The following PCDH17 variants were observed in gnomAD, a reference collection of about 807,000 sequenced individuals.
PCDH17 encodes protocadherin 17, also known as protocadherin-17.
In PCDH17, 21 loss-of-function variants were observed where a neutral mutation model predicts 67.7. The observed-to-expected ratio is 0.31, with a 90% CI of 0.22 to 0.45. PCDH17 has a LOEUF of 0.45. Among genes scored for constraint, PCDH17 ranks in the 20% least tolerant of loss-of-function variants. The pLI is 1.00. For missense variants in PCDH17, 1,471 were observed against 1,564.8 expected (o/e 0.94, Z 1.01); for synonymous variants, 701 against 656.7 (o/e 1.07, Z -1.03).
At chr13:57,697,232 A>T (rs1436185898) in intron 3 of PCDH17, among the ~76,000 whole-genome samples, 3 of 151,582 alleles carry the variant, frequency 2.0e-5, no homozygotes, top group Admixed American at 6.6e-5. Flanking sequence ...GGCTAGACAG[A>T]GTAGTTCTTA....
intron 1 of PCDH17, among the ~76,000 whole-genome samples, chr13:57,639,238 C>T (rs977393604): frequency 1.3e-5 from 2 of 151,732 alleles, no homozygotes; most frequent in African/African-American, 4.8e-5. Flanking sequence ...ACAATAATTA[C>T]ATATTTCTTT....
intron 3 of PCDH17, among the ~76,000 whole-genome samples, chr13:57,706,633 T>G (rs1225304297): frequency 1.1e-4 from 17 of 152,130 alleles, no homozygotes. Context: ...CTCTGTCCTT[T>G]TCAGTCCAAG....
Position 57,633,945 on chromosome 13 carries a change from G to C in PCDH17, c.1399G>C (p.Asp467His). The part of the protein sequence containing the change: ...SFAIKILDEN[D>H]NPPRFTKGLY... ...CGCGATCAAGATTCTAGACGAGAACGACAACCCGCCTCGGTTCACCAAAGG... is the reference window on the plus strand; with the variant it reads ...CGCGATCAAGATTCTAGACGAGAACCACAACCCGCCTCGGTTCACCAAAGG... The change falls in exon 1 of 4, where the codon GAC (aspartate) becomes CAC (histidine). Residue 467 changes from aspartate (D) to histidine (H), a missense_variant. This residue lies in a region of PCDH17 where 1,163 missense variants were observed against 1,230.0 expected (regional missense o/e 0.95). Transcript: ENST00000377918. This position sits in a 1 kb window ranked among gnomAD's most constrained non-coding sequence, Gnocchi z 6.2. The C allele has an allele frequency of 1.2e-6, 2 of 1,613,490 alleles. No individual in the cohort carries two copies. Among genetic ancestry groups the C allele is most frequent in the Non-Finnish European group, 1.7e-6 (2 of 1,180,016 alleles).
chr13:57,664,500 T>A (rs1165491567), intron 1 of PCDH17, among the ~76,000 whole-genome samples: 1 of 152,120 alleles, frequency 6.6e-6, no homozygotes, highest in Non-Finnish European at 1.5e-5. Context: ...AGAAAAAAAG[T>A]TTCCCCAGAC....
intron 3 of PCDH17, among the ~76,000 whole-genome samples, chr13:57,671,537 A>G (rs576000348): frequency 4.6e-5 from 7 of 152,118 alleles, no homozygotes; most frequent in Admixed American, 2.0e-4. Context: ...TTGAATTTCT[A>G]TCCATTAGAA....
At chr13:57,683,913 G>T (rs1038871124) in intron 3 of PCDH17, among the ~76,000 whole-genome samples, 5 of 151,964 alleles carry the variant, frequency 3.3e-5, no homozygotes, top group African/African-American at 1.2e-4. Flanking sequence ...AGAAATGAAA[G>T]ATTTGCTGAA....
intron 1 of PCDH17, among the ~76,000 whole-genome samples, chr13:57,656,079 G>GA (rs34381315): frequency 1.3e-5 from 2 of 151,570 alleles, no homozygotes; most frequent in Non-Finnish European, 2.9e-5. Context: ...TTCTTTGTTT[G>GA]AAAAAAAATG....
chr13:57,714,018 C>G (rs1955798833), intron 3 of PCDH17, among the ~76,000 whole-genome samples: 1 of 151,568 alleles, frequency 6.6e-6, no homozygotes, highest in African/African-American at 2.4e-5. Context: ...AAGTAGAAAT[C>G]TGTGAGTTTA....
At position 57,634,722 on chromosome 13, in the gene PCDH17, A is replaced by G. The variant is rs770258578; in HGVS notation, c.2176A>G (p.Ile726Val). The G allele has an allele frequency of 2.1e-5, 34 of 1,613,750 alleles. No individual in the cohort carries two copies. Among genetic ancestry groups the G allele is most frequent in the Non-Finnish European group, 2.0e-5 (24 of 1,180,012 alleles). Residue 726 changes from isoleucine (I) to valine (V), a missense_variant, in exon 1 of 4, where the codon ATC (isoleucine) becomes GTC (valine). Transcript: ENST00000377918. This position sits in a 1 kb window ranked among gnomAD's most constrained non-coding sequence, Gnocchi z 7.8. ...SIILLAAMIT[I>V]AVKCKRENKE... ...CATCCTCCTAGCGGCCATGATCACCATCGCCGTCAAGTGCAAGCGCGAGAA... is the reference window on the plus strand; with the variant it reads ...CATCCTCCTAGCGGCCATGATCACCGTCGCCGTCAAGTGCAAGCGCGAGAA...
chr13:57,682,011 C>A (rs1955455527), intron 3 of PCDH17, among the ~76,000 whole-genome samples: 1 of 151,806 alleles, frequency 6.6e-6, no homozygotes, highest in Admixed American at 6.6e-5. Flanking sequence ...TCTCTAGGTA[C>A]TTGATCAAAG....
At chr13:57,685,332 C>G (rs184980675) in intron 3 of PCDH17, among the ~76,000 whole-genome samples, 1 of 151,982 alleles carries the variant, frequency 6.6e-6, no homozygotes, top group South Asian at 2.1e-4. Flanking sequence ...ACATATAAAG[C>G]ATTACTGATT....
chr13:57,723,608 A>G (rs1474926844), intron 3 of PCDH17, among the ~76,000 whole-genome samples: 1 of 152,172 alleles, frequency 6.6e-6, no homozygotes, highest in Non-Finnish European at 1.5e-5. Context: ...TCCTAAAAGT[A>G]AAAGTCTCTG....
chr13:57,644,365 A>G (rs1263394761), intron 1 of PCDH17, among the ~76,000 whole-genome samples: 1 of 151,676 alleles, frequency 6.6e-6, no homozygotes, highest in Admixed American at 6.6e-5. Flanking sequence ...TAGAAAAGAC[A>G]AAGAATACAT....
At chr13:57,680,259 G>A (rs1388477087) in intron 3 of PCDH17, among the ~76,000 whole-genome samples, 2 of 151,432 alleles carry the variant, frequency 1.3e-5, no homozygotes, top group Non-Finnish European at 3.0e-5. Context: ...AAAGTGGACT[G>A]TCTATCAGAT....
intron 3 of PCDH17, among the ~76,000 whole-genome samples, chr13:57,720,479 TATTTTATTTACAATAATAAAATATTGTC>T (rs1351753580): frequency 6.6e-6 from 1 of 151,994 alleles, no homozygotes; most frequent in Non-Finnish European, 1.5e-5. Flanking sequence ...AAAATATTGT[TATTTTATTTACAATAATAAAATATTGTC>T]ATTTTATTTA....
chr13:57,724,740 CCTACAGTTGAAGCTAAT>C lies in PCDH17; in HGVS notation c.2927_2943del (p.Pro976ArgfsTer2). 1 of 1,614,112 alleles carries C rather than the reference CCTACAGTTGAAGCTAAT, an allele frequency of 6.2e-7. No individual in the cohort carries two copies. The highest frequency in any genetic ancestry group is 8.5e-7 in the Non-Finnish European group (1 of 1,179,996). Reference sequence around the variant, plus strand: ...AGATTACCGCACAAATCTCTTTGTACCTACAGTTGAAGCTAATGTTGAGACTGAGACTTACGAAACTG... The same window carrying C: ...AGATTACCGCACAAATCTCTTTGTACGTTGAGACTGAGACTTACGAAACTG... On this transcript the variant is annotated frameshift_variant, in exon 4 of 4. Coordinates refer to ENST00000377918, the MANE Select transcript of PCDH17 (RefSeq NM_001040429.3). LOFTEE classifies it high-confidence loss of function.
chr13:57,649,306 G>T (rs543256003), intron 1 of PCDH17, among the ~76,000 whole-genome samples: 1 of 152,210 alleles, frequency 6.6e-6, no homozygotes, highest in East Asian at 1.9e-4. Context: ...ATGGAAAAAG[G>T]AGAATCCGTC....
intron 3 of PCDH17, among the ~76,000 whole-genome samples, chr13:57,715,179 G>A (rs781743405): frequency 2.6e-5 from 4 of 151,804 alleles, no homozygotes; most frequent in South Asian, 2.1e-4. Flanking sequence ...TGTAAACAAT[G>A]CATATCTCAC....
chr13:57,713,847 A>G (rs896013146), intron 3 of PCDH17, among the ~76,000 whole-genome samples: 4 of 151,550 alleles, frequency 2.6e-5, no homozygotes, highest in African/African-American at 9.7e-5. Flanking sequence ...AGTTTCATAC[A>G]TATTTCTCAC....
Sources: allele counts gnomAD v4.1 joint callset (sites outside exome capture counted in the v4.1 genomes callset), GRCh38; gene constraint gnomAD v4.1.1; regional missense constraint gnomAD v4.1.1; non-coding constraint Gnocchi (gnomAD v3.1); transcripts MANE v1.5; gene names NCBI Gene and HGNC (gene_info 2026-07-23, HGNC 2026-07-21).